CCDC178: variants seen among roughly 807,000 people sequenced by gnomAD.
The protein encoded by CCDC178 is coiled-coil domain containing 178.
A neutral mutation model predicts 117.4 loss-of-function variants in CCDC178; 126 were observed. That is an observed-to-expected ratio of 1.07 (90% CI 0.93 to 1.24). The LOEUF is 1.24. CCDC178 is among the 50% of genes most tolerant of loss of function. The pLI is 0.00. For synonymous variants in CCDC178, 283 were observed against 313.4 expected (o/e 0.90, Z 1.02); for missense variants, 1,030 against 986.9 (o/e 1.04, Z -0.59).
At chr18:32,956,054 T>C (rs188325381) in intron 22 of CCDC178, among the ~76,000 whole-genome samples, 1 of 152,312 alleles carries the variant, frequency 6.6e-6, no homozygotes, top group East Asian at 1.9e-4. Flanking sequence ...TCATTTTGTT[T>C]TGCCTGAAAA....
At chr18:33,085,284 C>T (rs2057363305) in intron 21 of CCDC178, among the ~76,000 whole-genome samples, 1 of 152,124 alleles carries the variant, frequency 6.6e-6, no homozygotes, top group Admixed American at 6.5e-5. Flanking sequence ...ATTTTTGGGG[C>T]CGGGTACGGT....
At chr18:33,427,677 C>T (rs932725238) in intron 2 of CCDC178, among the ~76,000 whole-genome samples, 2 of 152,110 alleles carry the variant, frequency 1.3e-5, no homozygotes, top group Non-Finnish European at 1.5e-5. Context: ...TATCATTTTT[C>T]TCATATAAAT....
chr18:33,278,755 G>T (rs377360771), intron 12 of CCDC178, among the ~76,000 whole-genome samples: 17 of 152,022 alleles, frequency 1.1e-4, no homozygotes, highest in Non-Finnish European at 2.5e-4. Flanking sequence ...GGACAATATG[G>T]AACGATAATA....
intron 21 of CCDC178, among the ~76,000 whole-genome samples, chr18:33,037,534 A>T (rs113116806): frequency 6.6e-6 from 1 of 151,946 alleles, no homozygotes; most frequent in African/African-American, 2.4e-5. Flanking sequence ...TAGTAAGTAC[A>T]CCTTTCTTTC....
chr18:33,377,527 A>G (rs2063382137), intron 5 of CCDC178, among the ~76,000 whole-genome samples: 1 of 152,130 alleles, frequency 6.6e-6, no homozygotes, highest in African/African-American at 2.4e-5. Flanking sequence ...CAAGACTGAT[A>G]CCCAGAATGG....
intron 21 of CCDC178, among the ~76,000 whole-genome samples, chr18:33,063,546 C>G (rs1057234230): frequency 1.4e-4 from 21 of 152,136 alleles, no homozygotes; most frequent in Non-Finnish European, 2.8e-4. Context: ...CAGCCAATCG[C>G]CATCACTGCT....
chr18:32,971,674 C>T (rs144146777), intron 22 of CCDC178, among the ~76,000 whole-genome samples: 5 of 152,252 alleles, frequency 3.3e-5, no homozygotes, highest in South Asian at 2.1e-4. Flanking sequence ...TCCACAACCT[C>T]GCCAGTATCT....
intron 3 of CCDC178, among the ~76,000 whole-genome samples, chr18:33,407,689 C>T (rs557076923): frequency 6.6e-6 from 1 of 151,748 alleles, no homozygotes; most frequent in Admixed American, 6.6e-5. Flanking sequence ...TAATATTTAA[C>T]CAAATAGATT....
chr18:33,154,343 A>G (rs768219054), intron 20 of CCDC178, among the ~76,000 whole-genome samples: 1 of 152,154 alleles, frequency 6.6e-6, no homozygotes, highest in Non-Finnish European at 1.5e-5. Flanking sequence ...GTCCAAAAAT[A>G]TCACAAATTG....
intron 21 of CCDC178, among the ~76,000 whole-genome samples, chr18:32,992,920 C>G (rs1374593466): frequency 1.3e-5 from 2 of 152,172 alleles, no homozygotes; most frequent in African/African-American, 2.4e-5. Context: ...AATCCCAGCA[C>G]TTTGGGAGGC....
At chr18:33,351,481 C>T (rs2062979725) in intron 7 of CCDC178, among the ~76,000 whole-genome samples, 1 of 152,132 alleles carries the variant, frequency 6.6e-6, no homozygotes, top group African/African-American at 2.4e-5. Flanking sequence ...GCGTGAGCCA[C>T]TGTGCCCGGC....
At chr18:33,014,698 A>G (rs928468888) in intron 21 of CCDC178, among the ~76,000 whole-genome samples, 12 of 152,334 alleles carry the variant, frequency 7.9e-5, no homozygotes, top group African/African-American at 2.9e-4. Flanking sequence ...TTATTGGCTC[A>G]GGTCATTTAA....
At chr18:33,256,161 ATG>A (rs1568092953) in intron 14 of CCDC178, among the ~76,000 whole-genome samples, 1 of 149,662 alleles carries the variant, frequency 6.7e-6, no homozygotes. Context: ...ATTGCTAACT[ATG>A]TGTAATTTTT....
At chr18:33,344,310 C>CA (rs58987470) in intron 9 of CCDC178, among the ~76,000 whole-genome samples, 2,015 of 80,482 alleles carry the variant, frequency 0.025, 57 homozygotes, top group Non-Finnish European at 0.038. Context: ...GACTCCGTCT[C>CA]AAAAAAAAAA....
intron 20 of CCDC178, among the ~76,000 whole-genome samples, chr18:33,162,359 A>G (rs1046205364): frequency 6.6e-6 from 1 of 152,204 alleles, no homozygotes; most frequent in Non-Finnish European, 1.5e-5. Flanking sequence ...GTTAAAGTTC[A>G]TTTGTAATAA....
chr18:33,220,320 C>G (rs9676089), intron 18 of CCDC178, among the ~76,000 whole-genome samples: 1 of 151,956 alleles, frequency 6.6e-6, no homozygotes, highest in Non-Finnish European at 1.5e-5. Flanking sequence ...GCAATATAAT[C>G]AATGTTATAT....
At chr18:33,065,490 G>C (rs900951322) in intron 21 of CCDC178, among the ~76,000 whole-genome samples, 8 of 152,006 alleles carry the variant, frequency 5.3e-5, no homozygotes, top group African/African-American at 1.9e-4. Flanking sequence ...AGACGAGATG[G>C]ATAAAAGCAT....
intron 21 of CCDC178, among the ~76,000 whole-genome samples, chr18:33,079,218 A>G (rs1276922441): frequency 6.6e-6 from 1 of 152,210 alleles, no homozygotes; most frequent in African/African-American, 2.4e-5. Flanking sequence ...ATAACTGGCT[A>G]GAAATATGCA....
intron 22 of CCDC178, among the ~76,000 whole-genome samples, chr18:32,953,849 A>G (rs962630155): frequency 6.6e-6 from 1 of 152,162 alleles, no homozygotes; most frequent in African/African-American, 2.4e-5. Context: ...AATAACATGA[A>G]TAAGGGCAAA....
Sources: gnomAD v4.1 joint callset for allele counts (sites outside exome capture counted in the v4.1 genomes callset) on GRCh38, gnomAD v4.1.1 for gene constraint, MANE v1.5 for transcripts, NCBI Gene and HGNC (gene_info 2026-07-23, HGNC 2026-07-21) for gene names.